NOS2: variants seen among roughly 807,000 people sequenced by gnomAD.
The protein encoded by NOS2 is nitric oxide synthase, inducible.
NOS2 carries 96 observed loss-of-function variants against 136.0 expected under a neutral mutation model. That is an observed-to-expected ratio of 0.71 (90% CI 0.60 to 0.84). The LOEUF is 0.84. NOS2 is among the 40% of genes least tolerant of loss of function. The pLI is 0.00. For missense variants in NOS2, 1,237 were observed against 1,496.9 expected, an observed-to-expected ratio of 0.83 and a Z score of 2.87; for synonymous variants, 539 against 587.5, an observed-to-expected ratio of 0.92 and a Z score of 1.20.
intron 2 of NOS2, among the ~76,000 whole-genome samples, chr17:27,794,267 G>A (rs1373858589): frequency 6.6e-6 from 1 of 152,202 alleles, no homozygotes; most frequent in Non-Finnish European, 1.5e-5. Flanking sequence ...CATACAGCAT[G>A]TTCTGTGCGA....
intron 7 of NOS2, 100 bp from the exon 8 acceptor site, chr17:27,781,277 A>C (rs745393783): frequency 2.4e-5 from 32 of 1,357,222 alleles, no homozygotes; most frequent in Non-Finnish European, 3.1e-5. Context: ...CCTGCTCTGC[A>C]GCCCCTGATC....
chr17:27,793,829 T>C (rs1342407697), intron 2 of NOS2: 2 of 371,310 alleles, frequency 5.4e-6, no homozygotes, highest in Middle Eastern at 7.0e-4. Context: ...ACCCACGCGA[T>C]GTCCCGGGCC....
intron 11 of NOS2, among the ~76,000 whole-genome samples, chr17:27,776,514 A>C (rs1182195126): frequency 6.6e-6 from 1 of 152,014 alleles, no homozygotes; most frequent in Non-Finnish European, 1.5e-5. Flanking sequence ...CTCTACTAAA[A>C]TTACAAAAAT....
intron 11 of NOS2, 118 bp downstream of exon 11, chr17:27,778,572 T>A (rs1397021349): frequency 7.8e-6 from 6 of 769,170 alleles, no homozygotes; most frequent in Admixed American, 1.9e-5. Context: ...GAGCTGCCTG[T>A]TGCTGGACCT....
At chr17:27,767,661 A>T in intron 18 of NOS2, 44 bp downstream of exon 18, 1 of 1,604,832 alleles carries the variant, frequency 6.2e-7, no homozygotes, top group Non-Finnish European at 8.5e-7. Context: ...TAGGGCTCAG[A>T]CCCCAACACA....
In NOS2 at chr17:27,764,022, T is replaced by C; in HGVS notation, c.2551A>G (p.Thr851Ala). ...AGCCTCTGTCTCTCAGGCTCTTCTG[T>C]GGCCACCTGGGCCAGCTTTTGGAGC... is the stretch of plus-strand genomic sequence containing the variant. ...LLLQKLAQVA[T>A]EEPERQRLEA... The change falls in exon 21 of 27, where the codon ACA becomes GCA. Residue 851 changes from threonine to alanine, a missense_variant. Thr to Ala is a moderately conservative substitution (Grantham distance 58). Transcript: ENST00000313735. 1 of 1,613,732 alleles carries C rather than the reference T, an allele frequency of 6.2e-7. No individual in the cohort carries two copies. Among genetic ancestry groups the C allele is most frequent in the Non-Finnish European group, 8.5e-7 (1 of 1,179,828 alleles).
At chr17:27,789,752 C>T in intron 2 of NOS2, 64 bp from the exon 3 acceptor site, 2 of 1,122,312 alleles carry the variant, frequency 1.8e-6, no homozygotes, top group Non-Finnish European at 2.7e-6. Context: ...CTTGGAGTTC[C>T]CTCTGCCAGT....
In NOS2 at chr17:27,787,768, G is replaced by A. The variant is rs144347687; in HGVS notation, c.377C>T (p.Thr126Ile). Residue 126 changes from threonine to isoleucine, a missense_variant, in exon 5 of 27, where the codon ACC becomes ATC. Physicochemically the swap from Thr to Ile is moderately conservative, Grantham distance 89 (BLOSUM62 -1). Around this residue, in one of 3 missense-constraint regions of NOS2, gnomAD observed 440 missense variants for 545.4 expected, o/e 0.81. Coordinates refer to ENST00000313735, the MANE Select transcript of NOS2 (RefSeq NM_000625.4). The part of the protein sequence containing the change: ...LGSIMTPKSL[T>I]RGPRDKPTPP... ...GGTAGGCTTGTCCCTGGGTCCTCTG[G>A]TCAAACTTTTGGGAGTCATAATGGA... is the stretch of plus-strand genomic sequence containing the variant. 12 of 1,613,588 alleles carry A rather than the reference G, an allele frequency of 7.4e-6. No homozygotes were observed. Among genetic ancestry groups the A allele is most frequent in the Non-Finnish European group, 1.0e-5 (12 of 1,179,746 alleles).
chr17:27,788,196 GCACACACA>G (rs59431357), intron 4 of NOS2, among the ~76,000 whole-genome samples: 1 of 149,646 alleles, frequency 6.7e-6, no homozygotes, highest in East Asian at 2.0e-4. Context: ...GCACACGCGT[GCACACACA>G]CACACACACA....
intron 23 of NOS2, 112 bp downstream of exon 23, chr17:27,761,032 T>C (rs747420362): frequency 9.3e-7 from 1 of 1,072,022 alleles, no homozygotes; most frequent in East Asian, 2.6e-5. Flanking sequence ...CAGTGCCTTC[T>C]TTATGGGCCA....
At chr17:27,782,820 A>C (rs1310200761) in intron 6 of NOS2, 124 bp downstream of exon 6, 1 of 908,318 alleles carries the variant, frequency 1.1e-6, no homozygotes, top group African/African-American at 1.7e-5. Context: ...AATGTAAGAG[A>C]GGATCCAGGG....
At chr17:27,769,403 G>C (rs1185453697) in intron 16 of NOS2, 132 bp downstream of exon 16, 4 of 825,732 alleles carry the variant, frequency 4.8e-6, no homozygotes, top group Non-Finnish European at 8.1e-6. Context: ...TCTGAGTACA[G>C]ACCTTAGACC....
In NOS2 at chr17:27,763,905, A is replaced by C. The variant is rs1908213333; in HGVS notation, c.2592+76T>G. On this transcript the variant is annotated intron_variant, in intron 21 of 26. Coordinates refer to ENST00000313735, the MANE Select transcript of NOS2 (RefSeq NM_000625.4). ...GTGTGGATCCCTCTTGAAAGTTAAA[A>C]CCAGCTCTGGACTCTGGCTCCCCAC... is the stretch of plus-strand genomic sequence containing the variant. 10 of 1,248,826 alleles carry C rather than the reference A, an allele frequency of 8.0e-6. No homozygotes were observed. In the South Asian group the frequency reaches 1.5e-4, roughly 19 times the overall value. 77.4% of individuals were successfully genotyped at this position (1,248,826 alleles called of 1,614,324 possible).
rs761764640 is a variant in NOS2, at chr17:27,762,967, G to A, written c.2631C>T (p.Pro877=). The A allele has an allele frequency of 3.1e-6, 5 of 1,605,456 alleles. No homozygotes were observed. Among genetic ancestry groups the A allele is most frequent in the Non-Finnish European group, 4.2e-6 (5 of 1,176,576 alleles). Residue 877 remains proline (P), a synonymous_variant, in exon 22 of 27, where the codon CCC becomes CCT. Transcript: ENST00000313735. ...EYSKWKFTNS[P]TFLEVLEEFP... ...ACTCCTCTAGCACCTCCAGGAATGT[G>A]GGGCTGTTGGTGAACTTCCACTTGC...
chr17:27,779,808 C>G (rs1908786280), intron 9 of NOS2, among the ~76,000 whole-genome samples: 1 of 152,098 alleles, frequency 6.6e-6, no homozygotes, highest in Admixed American at 6.5e-5. Context: ...CCTCAACATC[C>G]CCATTATCAG....
chr17:27,782,888 C>G, intron 6 of NOS2, 56 bp downstream of exon 6: 1 of 1,573,354 alleles, frequency 6.4e-7, no homozygotes, highest in East Asian at 2.2e-5. Context: ...TCCAAGCCAT[C>G]TGCTCAGGGC....
intron 3 of NOS2, 72 bp downstream of exon 3, chr17:27,789,532 A>T: frequency 8.3e-7 from 1 of 1,205,684 alleles, no homozygotes; most frequent in Non-Finnish European, 1.2e-6. Context: ...GCCCAGCTCT[A>T]ACAGGCTGCT....
At chr17:27,771,799 A>G (rs539565936) in intron 14 of NOS2, among the ~76,000 whole-genome samples, 112 of 152,328 alleles carry the variant, frequency 7.4e-4, no homozygotes, top group Non-Finnish European at 1.4e-3. Context: ...GAGCTCCCCA[A>G]GGGCAAGGCC....
At chr17:27,779,721 C>T (rs867409378) in intron 9 of NOS2, among the ~76,000 whole-genome samples, 11 of 86,468 alleles carry the variant, frequency 1.3e-4, no homozygotes, top group African/African-American at 6.7e-4. Flanking sequence ...ATTAAGGACT[C>T]CAGTGTCAGA....
Sources: allele counts gnomAD v4.1 joint callset (sites outside exome capture counted in the v4.1 genomes callset), GRCh38; gene constraint gnomAD v4.1.1; regional missense constraint gnomAD v4.1.1; transcripts MANE v1.5; gene names NCBI Gene and HGNC (gene_info 2026-07-23, HGNC 2026-07-21).